Variants in PCNX2 observed in about 807,000 individuals in gnomAD.
PCNX2 encodes pecanex-like protein 2.
PCNX2 carries 168 observed loss-of-function variants against 223.8 expected under a neutral mutation model. That is an observed-to-expected ratio of 0.75 (90% CI 0.66 to 0.85). The LOEUF (loss-of-function observed/expected upper bound fraction) is 0.85, where lower values mean the gene tolerates loss of function less well. PCNX2 is among the 40% of genes least tolerant of loss of function. The pLI, the probability that PCNX2 is intolerant of heterozygous loss-of-function variation, is 0.00. For missense variants in PCNX2, 2,507 were observed against 2,675.5 expected, an observed-to-expected ratio of 0.94 and a Z score of 1.39; for synonymous variants, 1,006 against 1,052.6, an observed-to-expected ratio of 0.96 and a Z score of 0.86.
In PCNX2 at chr1:233,000,730, G is replaced by A. The variant is rs1328265402; in HGVS notation, c.5098-195C>T. 6.6e-6 allele frequency among the ~76,000 whole-genome samples: 1 copy of A among 152,194 alleles called. No individual in the cohort carries two copies. Among genetic ancestry groups the A allele is most frequent in the Non-Finnish European group, 1.5e-5 (1 of 68,050 alleles). ...ATCTCATTGCCCTAACCAATGGAATGTGCCTAGAAAAGAGCTTCATGGCTT... is the reference window on the plus strand; with the variant it reads ...ATCTCATTGCCCTAACCAATGGAATATGCCTAGAAAAGAGCTTCATGGCTT... On this transcript the variant is annotated intron_variant, in intron 29 of 33. Coordinates refer to ENST00000258229, the MANE Select transcript of PCNX2 (RefSeq NM_014801.4). The surrounding 1 kb of genome is among the most constrained non-coding windows in gnomAD (Gnocchi z 4.6).
intron 21 of PCNX2, among the ~76,000 whole-genome samples, chr1:233,131,758 T>C (rs1207939912): frequency 6.6e-6 from 1 of 152,166 alleles, no homozygotes; most frequent in Non-Finnish European, 1.5e-5. Context: ...TTAGCCATTA[T>C]CCCAGCCTAA....
upstream of PCNX2, among the ~76,000 whole-genome samples, chr1:233,299,395 C>G (rs1173349414): frequency 6.6e-6 from 1 of 152,148 alleles, no homozygotes; most frequent in African/African-American, 2.4e-5. Context: ...CCAACTAAAC[C>G]TTCTATATCA....
At chr1:233,141,390 G>A (rs1677101870) in intron 19 of PCNX2, among the ~76,000 whole-genome samples, 1 of 152,228 alleles carries the variant, frequency 6.6e-6, no homozygotes, top group Admixed American at 6.5e-5. Context: ...AGAGAGACCG[G>A]GTGCGGTGGC....
At chr1:233,056,058 A>T (rs1315344600) in intron 24 of PCNX2, among the ~76,000 whole-genome samples, 2 of 152,238 alleles carry the variant, frequency 1.3e-5, no homozygotes, top group African/African-American at 4.8e-5. Context: ...ATTAATGGAA[A>T]GAAACTGTTC....
At chr1:233,052,361 T>C (rs1242830862) in intron 25 of PCNX2, among the ~76,000 whole-genome samples, 1 of 152,178 alleles carries the variant, frequency 6.6e-6, no homozygotes, top group Admixed American at 6.5e-5. Context: ...CAGTGAGGGT[T>C]TGAACAGGTA....
chr1:233,171,596 C>T (rs1226210051), intron 17 of PCNX2, among the ~76,000 whole-genome samples: 1 of 152,126 alleles, frequency 6.6e-6, no homozygotes, highest in Non-Finnish European at 1.5e-5. Flanking sequence ...TTCTGTTTAC[C>T]TGCTTTAAGT....
intron 25 of PCNX2, among the ~76,000 whole-genome samples, chr1:233,025,801 G>T (rs1018752224): frequency 1.3e-5 from 2 of 152,226 alleles, no homozygotes; most frequent in East Asian, 3.9e-4. Context: ...TGTAAAACAG[G>T]CTATTGTAAG....
chr1:233,112,733 T>G, intron 21 of PCNX2: 2 of 758,370 alleles, frequency 2.6e-6, no homozygotes, highest in Non-Finnish European at 1.6e-6. Flanking sequence ...TAAATTCACA[T>G]ATTTATTATA....
chr1:233,245,371 T>G (rs189606637), intron 8 of PCNX2, among the ~76,000 whole-genome samples: 1 of 152,218 alleles, frequency 6.6e-6, no homozygotes, highest in African/African-American at 2.4e-5. Flanking sequence ...CAGAGGCAGA[T>G]TGTAACTTGA....
chr1:233,060,217 A>C (rs1262560398), intron 23 of PCNX2, among the ~76,000 whole-genome samples: 1 of 152,194 alleles, frequency 6.6e-6, no homozygotes, highest in Non-Finnish European at 1.5e-5. Context: ...GCAACCAACA[A>C]AATTCTTTTT....
At chr1:233,039,355 G>A (rs1488015767) in intron 25 of PCNX2, among the ~76,000 whole-genome samples, 1 of 152,168 alleles carries the variant, frequency 6.6e-6, no homozygotes, top group Non-Finnish European at 1.5e-5. Flanking sequence ...TGGTGACTGT[G>A]TGGCCATGGG....
chr1:233,227,012 A>C (rs1276107027), intron 10 of PCNX2, among the ~76,000 whole-genome samples: 1 of 152,212 alleles, frequency 6.6e-6, no homozygotes, highest in African/African-American at 2.4e-5. Flanking sequence ...ATTATTAATA[A>C]GAGTTACTTA....
chr1:233,225,150 C>T (rs185566212), intron 10 of PCNX2, among the ~76,000 whole-genome samples: 3,935 of 146,736 alleles, frequency 0.027, 83 homozygotes, highest in Middle Eastern at 0.043. Context: ...GTTATGTTAC[C>T]TATGAACTAA....
chr1:233,120,090 C>T (rs1478956094), intron 21 of PCNX2, among the ~76,000 whole-genome samples: 2 of 148,296 alleles, frequency 1.3e-5, no homozygotes, highest in African/African-American at 5.0e-5. Context: ...TCTCTTGAAC[C>T]CGGGAGGCAG....
chr1:233,095,180 T>C (rs1393686558), intron 22 of PCNX2, among the ~76,000 whole-genome samples: 5 of 152,182 alleles, frequency 3.3e-5, no homozygotes, highest in African/African-American at 1.2e-4. Flanking sequence ...AAATTTGTTA[T>C]GAAGTAAATT....
chr1:233,200,553 C>G (rs1681020038), intron 13 of PCNX2, among the ~76,000 whole-genome samples: 2 of 151,960 alleles, frequency 1.3e-5, no homozygotes, highest in Admixed American at 1.3e-4. Flanking sequence ...ATACAAGGAG[C>G]TGATCCTGAG....
chr1:233,319,487 C>G, the PCNX2 span, among the ~76,000 whole-genome samples: 2 of 152,204 alleles, frequency 1.3e-5, no homozygotes, highest in African/African-American at 4.8e-5. Flanking sequence ...GTCGTCAGGT[C>G]TAAGTGGAAG....
Position 233,258,025 on chromosome 1 carries a change from C to T in PCNX2, c.1834+3G>A. The T allele has an allele frequency of 6.2e-7, 1 of 1,608,614 alleles. No individual in the cohort carries two copies. The highest frequency in any genetic ancestry group is 1.7e-4 in the Middle Eastern group (1 of 6,034). On this transcript the variant is annotated splice_donor_region_variant and intron_variant, in intron 5 of 33. Coordinates refer to ENST00000258229, the MANE Select transcript of PCNX2 (RefSeq NM_014801.4). ...TCAGAACGGAAATGACATGGAATCG[C>T]ACCTCGGAGAAGCCCACTTTCTTCA...
chr1:233,053,367 G>A (rs1388975534), intron 25 of PCNX2, among the ~76,000 whole-genome samples: 3 of 151,972 alleles, frequency 2.0e-5, no homozygotes, highest in Non-Finnish European at 2.9e-5. Flanking sequence ...GGCCCTCCTC[G>A]ACCATCCCAT....
Sources: gnomAD v4.1 joint callset for allele counts (sites outside exome capture counted in the v4.1 genomes callset) on GRCh38, gnomAD v4.1.1 for gene constraint, Gnocchi (gnomAD v3.1) non-coding constraint, MANE v1.5 for transcripts, NCBI Gene and HGNC (gene_info 2026-07-23, HGNC 2026-07-21) for gene names.